Variants in CNTNAP4 observed in about 807,000 individuals in gnomAD.
CNTNAP4 encodes the protein contactin associated protein family member 4.
A neutral mutation model predicts 148.4 loss-of-function variants in CNTNAP4; 98 were observed. The observed-to-expected ratio is 0.66, with a 90% CI of 0.56 to 0.78. The LOEUF (loss-of-function observed/expected upper bound fraction) is 0.78. Among genes scored for constraint, CNTNAP4 ranks in the 30% least tolerant of loss-of-function variants. The pLI, the probability that CNTNAP4 is intolerant of heterozygous loss-of-function variation, is 0.00. For missense variants in CNTNAP4, 1,935 were observed against 1,565.6 expected, an observed-to-expected ratio of 1.24 and a Z score of -3.98; for synonymous variants, 730 against 565.1, an observed-to-expected ratio of 1.29 and a Z score of -4.14.
chr16:76,316,781 A>C (rs1159818788), intron 2 of CNTNAP4, among the ~76,000 whole-genome samples: 1 of 152,188 alleles, frequency 6.6e-6, no homozygotes, highest in Admixed American at 6.5e-5. Flanking sequence ...TTTCTACAAT[A>C]ATATACAATC....
chr16:76,332,311 A>G (rs141051618), intron 2 of CNTNAP4, among the ~76,000 whole-genome samples: 18 of 152,244 alleles, frequency 1.2e-4, no homozygotes, highest in African/African-American at 2.9e-4. Flanking sequence ...CCCAGGCTGG[A>G]GTGCAGTGGT....
chr16:76,449,971 T>G, intron 7 of CNTNAP4, 113 bp downstream of exon 7: 1 of 876,094 alleles, frequency 1.1e-6, no homozygotes. Context: ...TACTCTTATT[T>G]AAATATTTTT....
intron 14 of CNTNAP4, among the ~76,000 whole-genome samples, chr16:76,497,734 C>A (rs770621858): frequency 1.3e-5 from 2 of 152,024 alleles, no homozygotes; most frequent in Admixed American, 6.6e-5. Flanking sequence ...AGGAAAAATA[C>A]CTAATGTAGA....
At chr16:76,480,770 G>C (rs2081797404) in intron 12 of CNTNAP4, among the ~76,000 whole-genome samples, 1 of 152,076 alleles carries the variant, frequency 6.6e-6, no homozygotes, top group African/African-American at 2.4e-5. Flanking sequence ...TTGATTAGAA[G>C]ACTCAATATT....
At chr16:76,419,911 C>T (rs1014129972) in intron 3 of CNTNAP4, among the ~76,000 whole-genome samples, 47 of 152,010 alleles carry the variant, frequency 3.1e-4, no homozygotes, top group African/African-American at 1.1e-3. Flanking sequence ...CTAATTTCCT[C>T]ATGAAGGCCC....
chr16:76,375,134 C>T (rs1293270749), intron 3 of CNTNAP4, among the ~76,000 whole-genome samples: 1 of 152,000 alleles, frequency 6.6e-6, no homozygotes, highest in Non-Finnish European at 1.5e-5. Flanking sequence ...TTTAAAGGCA[C>T]GTATTTACTA....
chr16:76,424,851 G>A (rs1425238339), intron 3 of CNTNAP4, among the ~76,000 whole-genome samples: 5 of 152,112 alleles, frequency 3.3e-5, no homozygotes, highest in African/African-American at 7.2e-5. Context: ...GGCTATGAGC[G>A]CTGAGAGTTT....
intron 21 of CNTNAP4, among the ~76,000 whole-genome samples, chr16:76,547,582 A>G (rs2084789928): frequency 6.6e-6 from 1 of 152,202 alleles, no homozygotes; most frequent in South Asian, 2.1e-4. Flanking sequence ...GGTGTGCTAC[A>G]TTTGCTTTTT....
rs4644883 is a variant in CNTNAP4, at chr16:76,294,247, A to T, written c.85+16500A>T. Among the ~76,000 whole-genome samples the T allele has an allele frequency of 4.3e-4, 66 of 151,988 alleles. 1 individual carries two copies. The South Asian group carries it at 0.011, about 26-fold the overall frequency. The stretch of plus-strand genomic sequence containing the variant: ...AAGACAAAAAGTAACTCTAACAAAG[A>T]GCAGACTGTGATCCATACTACACTT... On this transcript the variant is annotated intron_variant, in intron 1 of 23. Transcript: ENST00000611870.
chr16:76,553,294 G>T lies in CNTNAP4; in HGVS notation c.3454G>T (p.Val1152Leu). 2 of 1,596,072 alleles carry T rather than the reference G, an allele frequency of 1.3e-6. No individual in the cohort carries two copies. Among genetic ancestry groups the T allele is most frequent in the South Asian group, 1.1e-5 (1 of 90,170 alleles). Residue 1152 changes from valine (V) to leucine (L), a missense_variant, in exon 22 of 24, where the codon GTG (valine) becomes TTG (leucine). Val to Leu is a conservative substitution (Grantham distance 32). Coordinates refer to ENST00000611870, the MANE Select transcript of CNTNAP4 (RefSeq NM_033401.5). ...VLGRILEHSDVDQDTALAGAQ... is the reference protein window; with the variant it reads ...VLGRILEHSDLDQDTALAGAQ... ...CTTTGAATTTCTAGAACACAGTGAT[G>T]TGGACCAGGATACTGCACTGGCAGG...
intron 3 of CNTNAP4, among the ~76,000 whole-genome samples, chr16:76,361,036 G>A (rs566299603): frequency 6.6e-6 from 1 of 151,804 alleles, no homozygotes; most frequent in South Asian, 2.1e-4. Flanking sequence ...CGTTAGCCAG[G>A]ATGGCCTCGA....
At position 76,517,290 on chromosome 16, in the gene CNTNAP4, C is replaced by T. The variant is rs375818760; in HGVS notation, c.2366-3850C>T. On this transcript the variant is annotated intron_variant, in intron 15 of 23. Transcript: ENST00000611870. ...GCAATAGAAATGTTCTGCCTCTTAG[C>T]GTCAGTGTCACTATCCTGGTTTTGA... Among the ~76,000 whole-genome samples, 12 of 152,140 alleles carry T rather than the reference C, an allele frequency of 7.9e-5. No homozygotes were observed. In the East Asian group the frequency reaches 1.5e-3, roughly 20 times the overall value.
chr16:76,323,448 T>C (rs541553832), intron 2 of CNTNAP4, among the ~76,000 whole-genome samples: 18 of 152,328 alleles, frequency 1.2e-4, no homozygotes, highest in African/African-American at 4.3e-4. Flanking sequence ...AATTATATTT[T>C]GTATACCAGC....
intron 2 of CNTNAP4, among the ~76,000 whole-genome samples, chr16:76,346,751 T>C (rs1193904554): frequency 2.6e-5 from 4 of 152,214 alleles, no homozygotes; most frequent in Admixed American, 2.6e-4. Flanking sequence ...TTTGTAACTT[T>C]ATTCTAGTCT....
chr16:76,331,218 C>T lies in CNTNAP4; in HGVS notation c.196+14695C>T, dbSNP rs560871890. ...TTTTCTTTTTTTTTAGACAGAGTCT[C>T]GCTCTGTTGCCCAGGCTGGAGTGCA... is the stretch of plus-strand genomic sequence containing the variant. On this transcript the variant is annotated intron_variant, in intron 2 of 23. Coordinates refer to ENST00000611870, the MANE Select transcript of CNTNAP4 (RefSeq NM_033401.5). Among the ~76,000 whole-genome samples the T allele has an allele frequency of 2.0e-4, 30 of 151,188 alleles. No individual in the cohort carries two copies. In the East Asian group the frequency reaches 3.1e-3, roughly 16 times the overall value.
At chr16:76,518,347 C>T (rs1002298550) in intron 15 of CNTNAP4, among the ~76,000 whole-genome samples, 12 of 152,076 alleles carry the variant, frequency 7.9e-5, no homozygotes, top group East Asian at 3.9e-4. Context: ...AGACTGGTCT[C>T]GAACTCCTGA....
At chr16:76,339,407 ACAC>A (rs994356158) in intron 2 of CNTNAP4, among the ~76,000 whole-genome samples, 1 of 152,156 alleles carries the variant, frequency 6.6e-6, no homozygotes, top group African/African-American at 2.4e-5. Context: ...CTTAATCTAA[ACAC>A]CACATTAATT....
At chr16:76,498,251 G>T (rs979122127) in intron 14 of CNTNAP4, among the ~76,000 whole-genome samples, 1 of 152,158 alleles carries the variant, frequency 6.6e-6, no homozygotes, top group Non-Finnish European at 1.5e-5. Flanking sequence ...AGTTAGCTGG[G>T]TGTGGTGGTA....
intron 2 of CNTNAP4, among the ~76,000 whole-genome samples, chr16:76,351,286 G>A (rs550168369): frequency 6.6e-6 from 1 of 151,910 alleles, no homozygotes; most frequent in African/African-American, 2.4e-5. Flanking sequence ...TTTGGCGGTG[G>A]CCATACGGCT....
Sources: allele counts gnomAD v4.1 joint callset (sites outside exome capture counted in the v4.1 genomes callset), GRCh38; gene constraint gnomAD v4.1.1; transcripts MANE v1.5; gene names NCBI Gene and HGNC (gene_info 2026-07-23, HGNC 2026-07-21).